Variants in ZNF474 observed in about 807,000 individuals in gnomAD.
ZNF474 encodes the protein zinc finger protein 474, also known as 4933409D10Rik.
For synonymous variants in ZNF474, 192 were observed against 162.2 expected, an observed-to-expected ratio of 1.18 and a Z score of -1.39; for missense variants, 511 against 433.8, an observed-to-expected ratio of 1.18 and a Z score of -1.58.
At chr5:122,140,123 A>G (rs1353748311) in intron 1 of ZNF474, among the ~76,000 whole-genome samples, 2 of 152,224 alleles carry the variant, frequency 1.3e-5, no homozygotes, top group African/African-American at 4.8e-5. Flanking sequence ...CCTAGGTATT[A>G]CTGTAGAATG....
chr5:122,151,629 C>G (rs1234371239), intron 1 of ZNF474, 150 bp from the exon 2 acceptor site: 2 of 164,902 alleles, frequency 1.2e-5, no homozygotes, highest in African/African-American at 2.4e-5. Flanking sequence ...GGTTACTGTG[C>G]TAGTCAAAAA....
chr5:122,147,945 C>G (rs1176243544), intron 1 of ZNF474: 1 of 152,182 alleles, frequency 6.6e-6, no homozygotes, highest in East Asian at 1.9e-4. Context: ...GTCCTATGTG[C>G]AGATATGGTC....
chr5:122,140,856 A>G (rs1176101179), intron 1 of ZNF474, among the ~76,000 whole-genome samples: 4 of 152,094 alleles, frequency 2.6e-5, no homozygotes, highest in Non-Finnish European at 5.9e-5. Context: ...TTCTTGTGCT[A>G]TTTTACAGTA....
rs533708279 is a variant in ZNF474, at chr5:122,136,051, G to A, written c.-213+6368G>A. ...AATGAGCCTAAAAATACAGTTAGAG[G>A]GAATAAGACGTAATGTTCAGGAGCA... On this transcript the variant is annotated intron_variant, in intron 1 of 1. Transcript: ENST00000296600. Among the ~76,000 whole-genome samples the A allele has an allele frequency of 1.5e-3, 234 of 152,076 alleles. 1 individual carries two copies. The highest frequency in any genetic ancestry group is 1.2e-3 in the Non-Finnish European group (80 of 67,986).
intron 1 of ZNF474, among the ~76,000 whole-genome samples, chr5:122,136,244 C>G (rs2152603714): frequency 6.6e-6 from 1 of 152,190 alleles, no homozygotes; most frequent in Middle Eastern, 3.4e-3. Context: ...ATCAAAATAT[C>G]ATACCTATGC....
intron 1 of ZNF474, among the ~76,000 whole-genome samples, chr5:122,140,469 CA>C (rs1303597310): frequency 1.3e-5 from 2 of 152,128 alleles, no homozygotes; most frequent in Admixed American, 6.6e-5. Flanking sequence ...ACAATTATCT[CA>C]GTAAAAATTA....
At position 122,152,422 on chromosome 5, in the gene ZNF474, C is replaced by G; in HGVS notation, c.432C>G (p.Ser144Arg). Reference protein sequence around the residue: ...PEPSKPQSLSSSGSYSLQATN... With the variant: ...PEPSKPQSLSRSGSYSLQATN... ...CCTCCAAACCACAGTCTCTCAGCAG[C>G]AGTGGGTCCTACAGTCTTCAGGCAA... Residue 144 changes from serine to arginine, a missense_variant, in exon 2 of 2, where the codon AGC becomes AGG. Transcript: ENST00000296600. 1 of 1,614,206 alleles carries G rather than the reference C, an allele frequency of 6.2e-7. No individual in the cohort carries two copies. The highest frequency in any genetic ancestry group is 8.5e-7 in the Non-Finnish European group (1 of 1,180,040).
chr5:122,134,018 T>A (rs1755639662), intron 1 of ZNF474, among the ~76,000 whole-genome samples: 1 of 152,212 alleles, frequency 6.6e-6, no homozygotes, highest in Non-Finnish European at 1.5e-5. Flanking sequence ...TCTGGGTGAA[T>A]GATACATTTT....
At chr5:122,138,708 T>C (rs1050164409) in intron 1 of ZNF474, among the ~76,000 whole-genome samples, 1 of 152,104 alleles carries the variant, frequency 6.6e-6, no homozygotes, top group Non-Finnish European at 1.5e-5. Context: ...GATTATAACA[T>C]TGATTATCAA....
At chr5:122,146,575 G>C (rs1755995494) in intron 1 of ZNF474, among the ~76,000 whole-genome samples, 1 of 152,046 alleles carries the variant, frequency 6.6e-6, no homozygotes, top group Non-Finnish European at 1.5e-5. Flanking sequence ...ACATTATTAG[G>C]ATGAATTGTG....
chr5:122,142,803 A>T (rs950666173), intron 1 of ZNF474, among the ~76,000 whole-genome samples: 6 of 152,192 alleles, frequency 3.9e-5, no homozygotes, highest in Non-Finnish European at 8.8e-5. Flanking sequence ...CAGCAACAAA[A>T]AGCCCAGGTT....
chr5:122,150,411 G>A (rs924848741), intron 1 of ZNF474, among the ~76,000 whole-genome samples: 1 of 152,184 alleles, frequency 6.6e-6, no homozygotes, highest in Non-Finnish European at 1.5e-5. Context: ...TGGCACCAAA[G>A]TACAGGAGCT....
intron 1 of ZNF474, among the ~76,000 whole-genome samples, chr5:122,137,290 A>G (rs767282240): frequency 6.6e-6 from 1 of 151,842 alleles, no homozygotes; most frequent in Non-Finnish European, 1.5e-5. Flanking sequence ...TCTACTAAAA[A>G]TACAAAAATT....
chr5:122,140,318 T>C (rs1202376103), intron 1 of ZNF474, among the ~76,000 whole-genome samples: 1 of 152,182 alleles, frequency 6.6e-6, no homozygotes, highest in Non-Finnish European at 1.5e-5. Context: ...GCTCAGTAGA[T>C]TGTATCAACA....
At chr5:122,148,709 T>C (rs753921048) in intron 1 of ZNF474, among the ~76,000 whole-genome samples, 1 of 152,174 alleles carries the variant, frequency 6.6e-6, no homozygotes, top group Non-Finnish European at 1.5e-5. Flanking sequence ...AGAAAACAAC[T>C]GTATATGGCA....
At chr5:122,138,509 A>T (rs1472374348) in intron 1 of ZNF474, among the ~76,000 whole-genome samples, 1 of 152,242 alleles carries the variant, frequency 6.6e-6, no homozygotes, top group Non-Finnish European at 1.5e-5. Flanking sequence ...GAACAAAACG[A>T]AGAGTAGTGA....
At chr5:122,146,284 A>G (rs745994683) in intron 1 of ZNF474, among the ~76,000 whole-genome samples, 4 of 152,186 alleles carry the variant, frequency 2.6e-5, no homozygotes, top group Non-Finnish European at 4.4e-5. Context: ...CAATAAGTTA[A>G]TAACTGGCAC....
At chr5:122,151,705 A>ATGTGTGTG (rs145270704) in intron 1 of ZNF474, 74 bp from the exon 2 acceptor site, 43 of 206,100 alleles carry the variant, frequency 2.1e-4, no homozygotes, top group South Asian at 6.4e-4. Flanking sequence ...AACAACCTAA[A>ATGTGTGTG]TGTGTGTGTG....
At chr5:122,148,964 A>G (rs894858613) in intron 1 of ZNF474, among the ~76,000 whole-genome samples, 1 of 152,132 alleles carries the variant, frequency 6.6e-6, no homozygotes, top group Non-Finnish European at 1.5e-5. Flanking sequence ...TCCAGACCTC[A>G]GGTGATCCGC....
Sources: allele counts gnomAD v4.1 joint callset (sites outside exome capture counted in the v4.1 genomes callset), GRCh38; gene constraint gnomAD v4.1.1; transcripts MANE v1.5; gene names NCBI Gene and HGNC (gene_info 2026-07-23, HGNC 2026-07-21).